Variants in ATG9B observed in about 807,000 individuals in gnomAD.
ATG9B encodes autophagy-related protein 9B.
ATG9B carries 92 observed loss-of-function variants against 92.9 expected under a neutral mutation model. The ratio of observed to expected loss-of-function variants is 0.99; its 90% CI spans 0.84 to 1.18. The LOEUF is 1.18. ATG9B is among the 50% of genes most tolerant of loss of function. The pLI is 0.00. For synonymous variants in ATG9B, 599 were observed against 551.4 expected, an observed-to-expected ratio of 1.09 and a Z score of -1.21; for missense variants, 1,344 against 1,235.0, an observed-to-expected ratio of 1.09 and a Z score of -1.32.
chr7:151,012,290 A>G (rs1468931522), downstream of ATG9B: 1 of 1,439,708 alleles, frequency 6.9e-7, no homozygotes, highest in Non-Finnish European at 9.4e-7. Context: ...CCCACCCTGC[A>G]TGGTGAGAAT....
chr7:151,012,306 A>T (rs541235565), downstream of ATG9B: 78 of 1,465,638 alleles, frequency 5.3e-5, 2 homozygotes, highest in South Asian at 8.8e-4. Context: ...AGAATGGTGG[A>T]GCAGGAAAGG....
At position 151,018,137 on chromosome 7, in the gene ATG9B, C is replaced by G; in HGVS notation, c.1873-87G>C. On this transcript the variant is annotated intron_variant, in intron 7 of 13. Transcript: ENST00000639579. This position sits in a 1 kb window ranked among gnomAD's most constrained non-coding sequence, Gnocchi z 4.7. ...CCAAGCAGTCCCCAGCGACCCTCGC[C>G]AGGGCAAGAAGCCTCCCCACCCAGT... 3 of 1,474,252 alleles carry G rather than the reference C, an allele frequency of 2.0e-6. No individual in the cohort carries two copies. Among genetic ancestry groups the G allele is most frequent in the Non-Finnish European group, 2.7e-6 (3 of 1,110,974 alleles). 91.3% of individuals were successfully genotyped at this position (1,474,252 alleles called of 1,614,324 possible). A position where few individuals can be genotyped will look rare whatever the true frequency, so the allele number is the denominator to read the frequency against.
At chr7:151,013,928 G>A (rs1185493767), downstream of ATG9B, 5 of 1,597,942 alleles carry the variant, frequency 3.1e-6, no homozygotes, top group African/African-American at 5.4e-5. Flanking sequence ...GGTGCGGAGG[G>A]GCGGGCCGGG....
Position 151,016,430 on chromosome 7 carries a change from C to T in ATG9B, c.2520+1G>A, listed in dbSNP as rs547139323. ...TCTCCTTTGGGCACCCCTCTACTCA[C>T]CTGGTGCAGGTAGATGACATGGAGA... On this transcript the variant is annotated splice_donor_variant, in intron 11 of 13. Transcript: ENST00000639579. LOFTEE classifies it high-confidence loss of function. 5.8e-6 allele frequency: 9 copies of T among 1,551,452 alleles called. No homozygotes were observed. In the South Asian group the frequency reaches 9.5e-5, roughly 16 times the overall value.
rs549932119 is a variant in ATG9B at position 151,016,244 on chromosome 7, A to G, written c.2521-9T>C. 2 of 1,488,794 alleles carry G rather than the reference A, an allele frequency of 1.3e-6. No homozygotes were observed. The highest frequency in any genetic ancestry group is 2.7e-5 in the South Asian group (2 of 73,446). 92.2% of individuals were successfully genotyped at this position (1,488,794 alleles called of 1,614,324 possible). On this transcript the variant is annotated splice_polypyrimidine_tract_variant and intron_variant, in intron 11 of 13. Coordinates refer to ENST00000639579, the MANE Select transcript of ATG9B (RefSeq NM_001317056.2). ...TGCTGCTGCTGGTGAAGCTGCATGG[A>G]AAGGAGGAGGAATGAGGGCTGCACC...
At chr7:151,022,832 G>A (rs1288371407) in intron 4 of ATG9B, among the ~76,000 whole-genome samples, 2 of 85,786 alleles carry the variant, frequency 2.3e-5, no homozygotes, top group Non-Finnish European at 4.1e-5. Flanking sequence ...GTGAAACTCT[G>A]TCTTAAAAAA....
chr7:151,019,386 A>G lies in ATG9B; in HGVS notation c.964-12T>C, dbSNP rs749031694. ...GAGCTCAGCTCCTCCTGAAAGGGGC[A>G]CTGATGAGAGCCAGCGACCCCCCAT... On this transcript the variant is annotated splice_polypyrimidine_tract_variant and intron_variant, in intron 5 of 13. Coordinates refer to ENST00000639579, the MANE Select transcript of ATG9B (RefSeq NM_001317056.2). The G allele has an allele frequency of 3.3e-6, 5 of 1,506,790 alleles. No homozygotes were observed. In the Admixed American group the frequency reaches 6.5e-5, roughly 20 times the overall value. The allele number at this position is 1,506,790 out of a possible 1,614,324, so 93.3% of individuals were successfully genotyped here.
At position 151,022,028 on chromosome 7, in the gene ATG9B, C is replaced by G. The variant is rs75754500; in HGVS notation, c.822-699G>C. On this transcript the variant is annotated intron_variant, in intron 4 of 13. Transcript: ENST00000639579. ...TCCTTTTTATTGAAACAAGGTCTCT[C>G]TCTGTTACCCAGGCTGTAGTGCAGC... Among the ~76,000 whole-genome samples the G allele has an allele frequency of 4.6e-3, 674 of 147,492 alleles. 59 individuals carry two copies. The highest frequency in any genetic ancestry group is 0.016 in the African/African-American group (629 of 39,180).
At chr7:151,022,979 C>G in intron 4 of ATG9B, 66 bp downstream of exon 4, 2 of 1,588,140 alleles carry the variant, frequency 1.3e-6, no homozygotes, top group Non-Finnish European at 1.7e-6. Flanking sequence ...CAAAGTGGGG[C>G]TCCCGTCTAC....
Position 151,017,141 on chromosome 7 carries a change from A to G in ATG9B, c.2184T>C (p.Leu728=), listed in dbSNP as rs763472298. 1 of 1,613,026 alleles carries G rather than the reference A, an allele frequency of 6.2e-7. No homozygotes were observed. The highest frequency in any genetic ancestry group is 1.7e-5 in the Admixed American group (1 of 59,942). ...GTTGTACTCGGCCCCAGAGGTGCCC[A>G]AGAAACTTAGAGCTGTGCCCTGGGG... ...WRPPGHSSKF[L]GHLWGRVQQD... is the part of the protein sequence containing the mutation. Residue 728 remains leucine, a synonymous_variant, in exon 9 of 14, where the codon CTT becomes CTC. Coordinates refer to ENST00000639579, the MANE Select transcript of ATG9B (RefSeq NM_001317056.2).
At chr7:151,012,680 A>G, downstream of ATG9B, 1 of 553,064 alleles carries the variant, frequency 1.8e-6, no homozygotes, top group South Asian at 2.4e-5. Context: ...GGTACATAGT[A>G]GGTGTTGACT....
rs1292001641 is a variant in ATG9B, at chr7:151,018,706, C to T, written c.1632G>A (p.Val544=). ...FAGALFAALL[V]LTVYDEDVLA... is the part of the protein sequence containing the mutation. ...GCACGTCCTCGTCGTAGACGGTGAG[C>T]ACAAGCAGCGCGGCGAAGAGTGCAC... Residue 544 remains valine, a synonymous_variant, in exon 6 of 14, where the codon GTG becomes GTA. Coordinates refer to ENST00000639579, the MANE Select transcript of ATG9B (RefSeq NM_001317056.2). This position sits in a 1 kb window ranked among gnomAD's most constrained non-coding sequence, Gnocchi z 4.7. 1 of 1,600,566 alleles carries T rather than the reference C, an allele frequency of 6.2e-7. No individual in the cohort carries two copies. Among genetic ancestry groups the T allele is most frequent in the Admixed American group, 1.7e-5 (1 of 59,042 alleles).
At chr7:151,013,875 A>G (rs1795373075), downstream of ATG9B, 3 of 1,603,192 alleles carry the variant, frequency 1.9e-6, no homozygotes, top group South Asian at 3.3e-5. Flanking sequence ...ACGGAGGGCG[A>G]CATGGAGCTG....
chr7:151,013,951 G>T, downstream of ATG9B: 1 of 1,604,184 alleles, frequency 6.2e-7, no homozygotes, highest in East Asian at 2.3e-5. Context: ...TGAGCGTGCG[G>T]GGTTCCTGCT....
In ATG9B at chr7:151,023,169, G is replaced by A. The variant is rs1349590143; in HGVS notation, c.697C>T (p.Leu233Phe). The A allele has an allele frequency of 6.2e-7, 1 of 1,614,082 alleles. No individual in the cohort carries two copies. The highest frequency in any genetic ancestry group is 1.3e-5 in the African/African-American group (1 of 74,916). Residue 233 changes from leucine (L) to phenylalanine (F), a missense_variant, in exon 4 of 14, where the codon CTT becomes TTT. Leu to Phe is a conservative substitution (Grantham distance 22). Coordinates refer to ENST00000639579, the MANE Select transcript of ATG9B (RefSeq NM_001317056.2). ...AGAACATTGTAATCCACGCATCGAA[G>A]GAGGAAGGTTGTGAAGGTGACAATG... Reference protein sequence around the residue: ...IFIVTFTTFLLRCVDYNVLFA... With the variant: ...IFIVTFTTFLFRCVDYNVLFA...
Position 151,021,138 on chromosome 7 carries a change from T to C in ATG9B, c.963+50A>G, listed in dbSNP as rs763161159. The C allele has an allele frequency of 1.9e-6, 3 of 1,602,172 alleles. No homozygotes were observed. The African/African-American group carries it at 4.0e-5, about 21-fold the overall frequency. ...CAGTCCCACTTCTTCCCCTCTCCTC[T>C]GCCCACCCTCTCACGGCACCCTCTG... On this transcript the variant is annotated intron_variant, in intron 5 of 13. Coordinates refer to ENST00000639579, the MANE Select transcript of ATG9B (RefSeq NM_001317056.2).
rs1357529346 is a variant in ATG9B at position 151,015,913 on chromosome 7, C to T, written c.2758G>A (p.Ala920Thr). 3.9e-6 allele frequency: 6 copies of T among 1,551,632 alleles called. No homozygotes were observed. Among genetic ancestry groups the T allele is most frequent in the South Asian group, 2.4e-5 (2 of 84,046 alleles). The change falls in exon 13 of 14, where the codon GCC becomes ACC. Residue 920 changes from alanine to threonine, a missense_variant. Physicochemically the swap from Ala to Thr is moderately conservative, Grantham distance 58 (BLOSUM62 0). Coordinates refer to ENST00000639579, the MANE Select transcript of ATG9B (RefSeq NM_001317056.2). ...TTDTQKEPDR[A>T]SCTD ...GAGTCGTCTCAGTCAGTGCAAGAGG[C>T]CCGGTCAGGCTCCTTCTGGGTGTCT... is the stretch of plus-strand genomic sequence containing the variant.
chr7:151,024,338 G>A lies in ATG9B; in HGVS notation c.86C>T (p.Pro29Leu). The A allele has an allele frequency of 7.0e-7, 1 of 1,418,748 alleles. No individual in the cohort carries two copies. Among genetic ancestry groups the A allele is most frequent in the Non-Finnish European group, 9.2e-7 (1 of 1,082,590 alleles). The allele number at this position is 1,418,748 out of a possible 1,614,324, so 87.9% of individuals were successfully genotyped here. The change falls in exon 1 of 14, where the codon CCC (proline) becomes CTC (leucine). Residue 29 changes from proline (P) to leucine (L), a missense_variant. Physicochemically the swap from Pro to Leu is moderately conservative, Grantham distance 98. Transcript: ENST00000639579. ...AGGAGGAGGAGGTGGCAGTGGCATGGGGAGGAGGGGCACCGATCCGGGCCC... is the reference window on the plus strand; with the variant it reads ...AGGAGGAGGAGGTGGCAGTGGCATGAGGAGGAGGGGCACCGATCCGGGCCC... Reference protein sequence around the residue: ...DLGPGSVPLLPMPLPPPPPPS... With the variant: ...DLGPGSVPLLLMPLPPPPPPS...
At chr7:151,021,449 C>A in intron 4 of ATG9B, 120 bp from the exon 5 acceptor site, 1 of 1,381,660 alleles carries the variant, frequency 7.2e-7, no homozygotes, top group Non-Finnish European at 9.5e-7. Context: ...ACCAGCAGCT[C>A]TCAAGGTAGA....
Sources: allele counts gnomAD v4.1 joint callset (sites outside exome capture counted in the v4.1 genomes callset), GRCh38; gene constraint gnomAD v4.1.1; non-coding constraint Gnocchi (gnomAD v3.1); transcripts MANE v1.5; gene names NCBI Gene and HGNC (gene_info 2026-07-23, HGNC 2026-07-21).